The following CDK8 variants were observed in gnomAD, a reference collection of about 807,000 sequenced individuals.
The protein encoded by CDK8 is cyclin-dependent kinase 8.
A neutral mutation model predicts 71.5 loss-of-function variants in CDK8; 29 were observed. The observed-to-expected ratio is 0.41, with a 90% confidence interval of 0.30 to 0.55. The LOEUF (loss-of-function observed/expected upper bound fraction) is 0.55. CDK8 is among the 20% of genes least tolerant of loss of function. The pLI, the probability that CDK8 is intolerant of heterozygous loss-of-function variation, is 0.37. For missense variants in CDK8, 288 were observed against 572.6 expected, an observed-to-expected ratio of 0.50 and a Z score of 5.07; for synonymous variants, 161 against 192.1, an observed-to-expected ratio of 0.84 and a Z score of 1.34.
At chr13:26,373,190 C>G (rs763034697) in intron 4 of CDK8, among the ~76,000 whole-genome samples, 1 of 152,144 alleles carries the variant, frequency 6.6e-6, no homozygotes, top group Non-Finnish European at 1.5e-5. Context: ...CATACTAGTG[C>G]CCCCATTATT....
intron 1 of CDK8, among the ~76,000 whole-genome samples, chr13:26,305,509 C>A (rs1038078822): frequency 6.6e-6 from 1 of 152,124 alleles, no homozygotes; most frequent in African/African-American, 2.4e-5. Context: ...AATTCTTAGT[C>A]ACTGTCTCTT....
chr13:26,387,192 G>A (rs1286229163), intron 6 of CDK8, among the ~76,000 whole-genome samples: 1 of 152,116 alleles, frequency 6.6e-6, no homozygotes, highest in East Asian at 1.9e-4. Flanking sequence ...TATCTGTGAA[G>A]ACAATGATAA....
chr13:26,263,199 G>A (rs1393474753), intron 1 of CDK8, among the ~76,000 whole-genome samples: 2 of 152,102 alleles, frequency 1.3e-5, no homozygotes, highest in South Asian at 2.1e-4. Flanking sequence ...GCAATGGCGC[G>A]ATCTCCGCTC....
At chr13:26,302,832 C>T (rs1873881212) in intron 1 of CDK8, among the ~76,000 whole-genome samples, 1 of 152,108 alleles carries the variant, frequency 6.6e-6, no homozygotes, top group African/African-American at 2.4e-5. Context: ...CTTTAAATTG[C>T]ATAGTCCTTG....
At chr13:26,327,000 A>C (rs1367545668) in intron 1 of CDK8, among the ~76,000 whole-genome samples, 1 of 152,228 alleles carries the variant, frequency 6.6e-6, no homozygotes, top group Non-Finnish European at 1.5e-5. Context: ...GGAATCTGAC[A>C]AATCTACGTG....
intron 4 of CDK8, among the ~76,000 whole-genome samples, chr13:26,356,168 C>CA (rs891233134): frequency 7.9e-5 from 12 of 152,042 alleles, no homozygotes; most frequent in Admixed American, 2.0e-4. Context: ...CTAATATAGG[C>CA]AACAAGGGAT....
At chr13:26,318,251 A>C (rs1874603912) in intron 1 of CDK8, among the ~76,000 whole-genome samples, 4 of 152,130 alleles carry the variant, frequency 2.6e-5, no homozygotes, top group Admixed American at 6.5e-5. Flanking sequence ...AGAAATAGAA[A>C]ATCTGACTAG....
intron 1 of CDK8, among the ~76,000 whole-genome samples, chr13:26,337,153 A>G (rs879398820): frequency 2.0e-5 from 3 of 152,214 alleles, no homozygotes; most frequent in Non-Finnish European, 4.4e-5. Context: ...GTTTTAAATT[A>G]TAACCATTTT....
chr13:26,341,861 A>G (rs1873253432), intron 2 of CDK8, among the ~76,000 whole-genome samples: 1 of 150,064 alleles, frequency 6.7e-6, no homozygotes, highest in African/African-American at 2.5e-5. Flanking sequence ...TTTTAGCAGA[A>G]TTGGGAAAAC....
At chr13:26,287,921 G>C (rs554454684) in intron 1 of CDK8, among the ~76,000 whole-genome samples, 1 of 152,082 alleles carries the variant, frequency 6.6e-6, no homozygotes, top group Non-Finnish European at 1.5e-5. Flanking sequence ...CCCCTGTAGT[G>C]TTGTCTTTTA....
intron 1 of CDK8, among the ~76,000 whole-genome samples, chr13:26,265,849 G>C (rs539033076): frequency 6.6e-6 from 1 of 152,278 alleles, no homozygotes; most frequent in East Asian, 1.9e-4. Context: ...ACCATGCTTA[G>C]GGTCTTAAGC....
chr13:26,358,330 A>G (rs1452321308), intron 4 of CDK8, among the ~76,000 whole-genome samples: 3 of 152,060 alleles, frequency 2.0e-5, no homozygotes, highest in African/African-American at 7.2e-5. Context: ...AAGTCATCCT[A>G]TACAAGTGAA....
chr13:26,273,774 T>G (rs1205539279), intron 1 of CDK8, among the ~76,000 whole-genome samples: 1 of 151,038 alleles, frequency 6.6e-6, no homozygotes, highest in African/African-American at 2.4e-5. Context: ...AGCTGTTACT[T>G]AAAAAAAAAG....
intron 4 of CDK8, among the ~76,000 whole-genome samples, chr13:26,368,986 T>G (rs1388780383): frequency 6.6e-6 from 1 of 152,184 alleles, no homozygotes; most frequent in Non-Finnish European, 1.5e-5. Flanking sequence ...AATACTTTGT[T>G]TTGTCTATTT....
chr13:26,393,352 C>CT lies in CDK8; in HGVS notation c.647-10dup. On this transcript the variant is annotated splice_polypyrimidine_tract_variant and intron_variant, in intron 6 of 12. Transcript: ENST00000381527. The stretch of plus-strand genomic sequence containing the variant: ...CCTATTTTTCTTTCTTTTTTTTTTT[C>CT]TTTTTGTTTTAAAGATATTTGGGCT... The CT allele has an allele frequency of 8.2e-7, 1 of 1,215,958 alleles. No homozygotes were observed. Among genetic ancestry groups the CT allele is most frequent in the Non-Finnish European group, 1.1e-6 (1 of 928,564 alleles). The allele number at this position is 1,215,958 out of a possible 1,614,324, so 75.3% of individuals were successfully genotyped here.
At chr13:26,263,280 C>A (rs941264310) in intron 1 of CDK8, among the ~76,000 whole-genome samples, 17 of 151,938 alleles carry the variant, frequency 1.1e-4, no homozygotes, top group Admixed American at 2.0e-4. Flanking sequence ...GGACTACAGG[C>A]GCCCGCCACC....
At chr13:26,315,081 A>G (rs1490297736) in intron 1 of CDK8, among the ~76,000 whole-genome samples, 1 of 152,122 alleles carries the variant, frequency 6.6e-6, no homozygotes, top group Non-Finnish European at 1.5e-5. Context: ...GATTAGTCTA[A>G]TTCTGATAAT....
At chr13:26,272,883 T>G (rs530705519) in intron 1 of CDK8, among the ~76,000 whole-genome samples, 1 of 152,332 alleles carries the variant, frequency 6.6e-6, no homozygotes, top group South Asian at 2.1e-4. Context: ...TGTCTTCAAG[T>G]GAAACATCAT....
intron 1 of CDK8, among the ~76,000 whole-genome samples, chr13:26,306,123 T>C (rs1043062611): frequency 9.2e-5 from 14 of 152,200 alleles, no homozygotes; most frequent in African/African-American, 3.1e-4. Context: ...TCTTTGATAT[T>C]TGAAGCTGAA....
Sources: gnomAD v4.1 joint callset for allele counts (sites outside exome capture counted in the v4.1 genomes callset) on GRCh38, gnomAD v4.1.1 for gene constraint, MANE v1.5 for transcripts, NCBI Gene and HGNC (gene_info 2026-07-23, HGNC 2026-07-21) for gene names.